TUBGCP2: variants seen among roughly 807,000 people sequenced by gnomAD.
TUBGCP2 encodes tubulin gamma complex component 2, also known as gamma-tubulin complex component 2.
TUBGCP2 carries 55 observed loss-of-function variants against 92.2 expected under a neutral mutation model. The observed-to-expected ratio is 0.60, with a 90% CI of 0.48 to 0.75. TUBGCP2 has a LOEUF of 0.75. Among genes scored for constraint, TUBGCP2 ranks in the 30% least tolerant of loss-of-function variants. The probability of loss-of-function intolerance (pLI) is 0.00; values close to 1 mark genes in which losing one functional copy is unlikely to be tolerated. For synonymous variants in TUBGCP2, 533 were observed against 505.2 expected (o/e 1.06, Z -0.74); for missense variants, 1,093 against 1,188.9 (o/e 0.92, Z 1.19).
chr10:133,293,155 T>C lies in TUBGCP2; in HGVS notation c.908A>G (p.His303Arg). The change falls in exon 7 of 18, where the codon CAC (histidine) becomes CGC (arginine). Residue 303 changes from histidine (H) to arginine (R), a missense_variant. His to Arg is a conservative substitution (Grantham distance 29). Transcript: ENST00000252936. ...AAAMRTLVKE[H>R]LILVSQLEQL... ...CTCCAGCTGTGACACCAGAATCAGG[T>C]GCTCCTTCACCAGGGTGCGCATGGC... 1.2e-6 allele frequency: 2 copies of C among 1,613,908 alleles called. No homozygotes were observed. Among genetic ancestry groups the C allele is most frequent in the Non-Finnish European group, 1.7e-6 (2 of 1,180,038 alleles).
At chr10:133,310,478 G>A (rs543286690), upstream of TUBGCP2, 36 of 703,268 alleles carry the variant, frequency 5.1e-5, 1 homozygote, top group African/African-American at 5.2e-4. Context: ...CCTGCCGAAG[G>A]GAGGCTGGAG....
rs1564931941 is a variant in TUBGCP2, at chr10:133,278,696, G to A, written c.*1070C>T. 1 of 152,384 alleles carries A rather than the reference G, an allele frequency of 6.6e-6. No individual in the cohort carries two copies. 9.4% of individuals were successfully genotyped at this position (152,384 alleles called of 1,614,324 possible). A position where few individuals can be genotyped will look rare whatever the true frequency, so the allele number is the denominator to read the frequency against. On this transcript the variant is annotated 3_prime_UTR_variant, in exon 18 of 18. Transcript: ENST00000252936. ...CACAGCCTGCAGACAAGGAGGAAGC[G>A]GTTTGTGGCTGGAGAGTTGGACACC...
chr10:133,284,657 G>T (rs574746731), intron 13 of TUBGCP2, among the ~76,000 whole-genome samples: 52 of 152,278 alleles, frequency 3.4e-4, no homozygotes, highest in African/African-American at 1.1e-3. Flanking sequence ...CACTGCACCC[G>T]ACTGGACAAA....
intron 8 of TUBGCP2, chr10:133,291,123 C>G (rs543763880): frequency 6.1e-6 from 2 of 329,512 alleles, no homozygotes; most frequent in African/African-American, 4.6e-5. Context: ...CCATAAGCAG[C>G]TGGGCCATTC....
upstream of TUBGCP2, chr10:133,309,167 A>C: frequency 7.3e-7 from 1 of 1,372,188 alleles, no homozygotes; most frequent in Non-Finnish European, 9.5e-7. Context: ...GCGGGGCCGG[A>C]GCCTGGAGTG....
At chr10:133,298,631 G>C (rs1025302038) in intron 4 of TUBGCP2, among the ~76,000 whole-genome samples, 19 of 152,274 alleles carry the variant, frequency 1.2e-4, no homozygotes, top group African/African-American at 4.6e-4. Context: ...GCCGCCAGAG[G>C]CTGATGGGGT....
intron 14 of TUBGCP2, 34 bp from the exon 15 acceptor site, chr10:133,283,255 G>T: frequency 6.2e-7 from 1 of 1,612,730 alleles, no homozygotes; most frequent in Non-Finnish European, 8.5e-7. Context: ...TTCTCAGAAA[G>T]ACGTGGCTGA....
chr10:133,302,982 T>C lies in TUBGCP2; in HGVS notation c.-39-2A>G. ...GCACGAACATCACAATATGTTCTCC[T>C]ATAGGTAAGAAGACAGCTATTCATA... On this transcript the variant is annotated splice_acceptor_variant, in intron 1 of 17. Coordinates refer to ENST00000252936, the MANE Select transcript of TUBGCP2 (RefSeq NM_006659.4). LOFTEE classifies it low-confidence loss of function (5UTR_SPLICE). 6.2e-7 allele frequency: 1 copy of C among 1,611,812 alleles called. No individual in the cohort carries two copies. Among genetic ancestry groups the C allele is most frequent in the Non-Finnish European group, 8.5e-7 (1 of 1,178,130 alleles).
chr10:133,311,485 TAC>T (rs1397486976), upstream of TUBGCP2: 1 of 478,008 alleles, frequency 2.1e-6, no homozygotes, highest in African/African-American at 2.0e-5. Context: ...GTATGATTGT[TAC>T]AGTTAAGTTT....
At chr10:133,290,799 A>C (rs1182952480) in intron 8 of TUBGCP2, 1 of 152,322 alleles carries the variant, frequency 6.6e-6, no homozygotes, top group African/African-American at 2.4e-5. Flanking sequence ...GAACAACTTC[A>C]AACATCATTT....
intron 8 of TUBGCP2, 194 bp from the exon 9 acceptor site, chr10:133,290,163 G>A (rs1038347672): frequency 8.4e-6 from 6 of 715,886 alleles, no homozygotes; most frequent in Middle Eastern, 4.2e-4. Flanking sequence ...GGCCGGGCAC[G>A]GTGGCTCACG....
At chr10:133,310,649 T>C (rs3008358), upstream of TUBGCP2, 64,393 of 286,186 alleles carry the variant, frequency 0.23, 9,185 homozygotes, top group African/African-American at 0.46. Flanking sequence ...CGGGGCCGTG[T>C]CTGTACCTCC....
At chr10:133,300,647 T>G (rs1395506816) in intron 2 of TUBGCP2, 1 of 152,952 alleles carries the variant, frequency 6.5e-6, no homozygotes, top group Non-Finnish European at 1.5e-5. Context: ...TTCGTATTAT[T>G]TTAATTTTTT....
chr10:133,282,146 C>T, intron 16 of TUBGCP2, 77 bp downstream of exon 16: 6 of 1,600,938 alleles, frequency 3.7e-6, no homozygotes, highest in Non-Finnish European at 5.1e-6. Flanking sequence ...GGTTTGTTCT[C>T]CCTGCGTCAG....
At position 133,285,501 on chromosome 10, in the gene TUBGCP2, G is replaced by A; in HGVS notation, c.1850C>T (p.Ser617Phe). Residue 617 changes from serine (S) to phenylalanine (F), a missense_variant, in exon 12 of 18, where the codon TCT (serine) becomes TTT (phenylalanine). This residue lies in a region of TUBGCP2 where 598 missense variants were observed against 675.5 expected (regional missense o/e 0.89). Coordinates refer to ENST00000252936, the MANE Select transcript of TUBGCP2 (RefSeq NM_006659.4). This position sits in a 1 kb window ranked among gnomAD's most constrained non-coding sequence, Gnocchi z 6.8. Reference sequence around the variant, plus strand: ...GGGCCACTTGACGATGTAGTCGAAAGAGAAGGCCTCCAGGCCGCTCAGCGC... The same window carrying A: ...GGGCCACTTGACGATGTAGTCGAAAAAGAAGGCCTCCAGGCCGCTCAGCGC... ...ELALSGLEAFSFDYIVKWPLS... is the reference protein window; with the variant it reads ...ELALSGLEAFFFDYIVKWPLS... The A allele has an allele frequency of 6.2e-7, 1 of 1,611,706 alleles. No individual in the cohort carries two copies. The highest frequency in any genetic ancestry group is 8.5e-7 in the Non-Finnish European group (1 of 1,178,262).
chr10:133,285,183 G>A lies in TUBGCP2; in HGVS notation c.1926C>T (p.Phe642=), dbSNP rs1419369127. 2 of 1,613,290 alleles carry A rather than the reference G, an allele frequency of 1.2e-6. No individual in the cohort carries two copies. Among genetic ancestry groups the A allele is most frequent in the Non-Finnish European group, 1.7e-6 (2 of 1,180,010 alleles). ...RKALTRYQML[F]RHMFYCKHVE... ...CGTGCTTGCAGTAGAACATGTGCCT[G>A]AAGAGCATCTGGTAGCGAGTGAGGG... The change falls in exon 13 of 18, where the codon TTC becomes TTT. Residue 642 remains phenylalanine, a synonymous_variant. Coordinates refer to ENST00000252936, the MANE Select transcript of TUBGCP2 (RefSeq NM_006659.4). The surrounding 1 kb of genome is among the most constrained non-coding windows in gnomAD (Gnocchi z 6.8).
chr10:133,309,922 A>C, upstream of TUBGCP2: 1 of 1,613,582 alleles, frequency 6.2e-7, no homozygotes, highest in Non-Finnish European at 8.5e-7. Flanking sequence ...CTGGACGCCC[A>C]CATCCTGGAG....
chr10:133,301,209 A>G (rs1589835487), intron 2 of TUBGCP2, among the ~76,000 whole-genome samples: 4 of 151,962 alleles, frequency 2.6e-5, no homozygotes, highest in Admixed American at 2.6e-4. Flanking sequence ...GCTCACCGCA[A>G]CCTCCACCTC....
chr10:133,289,981 G>A lies in TUBGCP2; in HGVS notation c.1215-12C>T. ...CGACCATAAACTCACTAAAACCACA[G>A]GGAGCGCTTCGGTCACAGGCAAAGC... On this transcript the variant is annotated splice_polypyrimidine_tract_variant and intron_variant, in intron 8 of 17. Transcript: ENST00000252936. 1 of 1,610,978 alleles carries A rather than the reference G, an allele frequency of 6.2e-7. No homozygotes were observed. Among genetic ancestry groups the A allele is most frequent in the Middle Eastern group, 1.7e-4 (1 of 5,966 alleles).
Sources: allele counts gnomAD v4.1 joint callset (sites outside exome capture counted in the v4.1 genomes callset), GRCh38; gene constraint gnomAD v4.1.1; regional missense constraint gnomAD v4.1.1; non-coding constraint Gnocchi (gnomAD v3.1); transcripts MANE v1.5; gene names NCBI Gene and HGNC (gene_info 2026-07-23, HGNC 2026-07-21).